Variants in MCTP2 observed in about 807,000 individuals in gnomAD.
MCTP2 encodes multiple C2 and transmembrane domain containing 2, also known as multiple C2 and transmembrane domain-containing protein 2.
In MCTP2, 132 loss-of-function variants were observed where a neutral mutation model predicts 111.6. That is an observed-to-expected ratio of 1.18 (90% CI 1.03 to 1.37). The LOEUF (loss-of-function observed/expected upper bound fraction) is 1.37. MCTP2 is among the 40% of genes most tolerant of loss of function. The pLI is 0.00. For synonymous variants in MCTP2, 395 were observed against 387.7 expected (o/e 1.02, Z -0.22); for missense variants, 1,183 against 1,067.9 (o/e 1.11, Z -1.50).
At chr15:94,243,339 G>A (rs1341058494) in intron 1 of MCTP2, among the ~76,000 whole-genome samples, 6 of 136,702 alleles carry the variant, frequency 4.4e-5, no homozygotes, top group South Asian at 2.3e-4. Flanking sequence ...GCGTATATGC[G>A]TATGTACATA....
intron 12 of MCTP2, among the ~76,000 whole-genome samples, chr15:94,378,983 G>A (rs2079937959): frequency 6.6e-6 from 1 of 152,144 alleles, no homozygotes; most frequent in East Asian, 1.9e-4. Flanking sequence ...TATCATAGGA[G>A]TCTGGGGTCT....
At chr15:94,343,216 G>A (rs1456028978) in intron 7 of MCTP2, 1 of 152,000 alleles carries the variant, frequency 6.6e-6, no homozygotes, top group Non-Finnish European at 1.5e-5. Context: ...CATATTGGGA[G>A]CCTTGGGGTA....
chr15:94,356,318 C>A lies in MCTP2; in HGVS notation c.1170+17C>A. On this transcript the variant is annotated intron_variant, in intron 9 of 22. Coordinates refer to ENST00000357742, the MANE Select transcript of MCTP2 (RefSeq NM_001385001.1). ...AAAAGTAAGGTAAGTTCCATCTTTT[C>A]CATAAGGAGAACAGTATCTTTAAAA... The A allele has an allele frequency of 6.4e-7, 1 of 1,552,214 alleles. No individual in the cohort carries two copies. Among genetic ancestry groups the A allele is most frequent in the East Asian group, 2.3e-5 (1 of 42,670 alleles).
intron 1 of MCTP2, among the ~76,000 whole-genome samples, chr15:94,250,973 T>C (rs1163745324): frequency 6.6e-6 from 1 of 152,250 alleles, no homozygotes; most frequent in Non-Finnish European, 1.5e-5. Flanking sequence ...ATATCTATAC[T>C]GACATAAGTA....
chr15:94,340,354 G>A, intron 6 of MCTP2, 79 bp downstream of exon 6: 1 of 1,023,880 alleles, frequency 9.8e-7, no homozygotes, highest in Non-Finnish European at 1.5e-6. Context: ...TGCTTGTTGA[G>A]GTCAAATGAC....
At chr15:94,423,377 T>A (rs933242117) in intron 17 of MCTP2, among the ~76,000 whole-genome samples, 1 of 152,146 alleles carries the variant, frequency 6.6e-6, no homozygotes, top group African/African-American at 2.4e-5. Context: ...AGATCCAAAG[T>A]GAATATTTTC....
At chr15:94,407,604 T>C (rs910297122) in intron 17 of MCTP2, among the ~76,000 whole-genome samples, 3 of 152,134 alleles carry the variant, frequency 2.0e-5, no homozygotes, top group African/African-American at 7.2e-5. Context: ...CTCAATAAAG[T>C]TAAAAAATAC....
At chr15:94,267,298 A>G (rs528201575) in intron 1 of MCTP2, among the ~76,000 whole-genome samples, 1 of 152,346 alleles carries the variant, frequency 6.6e-6, no homozygotes, top group East Asian at 1.9e-4. Flanking sequence ...GTCATTAAGA[A>G]TGATATCATA....
At chr15:94,425,231 C>T (rs903851552) in intron 17 of MCTP2, among the ~76,000 whole-genome samples, 38 of 152,248 alleles carry the variant, frequency 2.5e-4, no homozygotes, top group African/African-American at 9.1e-4. Context: ...TCTCAATGAT[C>T]TGCAATTTCT....
chr15:94,318,471 A>T (rs1004241737), intron 4 of MCTP2, among the ~76,000 whole-genome samples: 1 of 151,868 alleles, frequency 6.6e-6, no homozygotes, highest in Non-Finnish European at 1.5e-5. Flanking sequence ...TTTAGTAGAG[A>T]CGGAGTTTCG....
intron 1 of MCTP2, among the ~76,000 whole-genome samples, chr15:94,265,807 G>C (rs2073486810): frequency 6.6e-6 from 1 of 152,100 alleles, no homozygotes. Flanking sequence ...AAAGTAGAAG[G>C]CTTTTGATCT....
intron 17 of MCTP2, among the ~76,000 whole-genome samples, chr15:94,414,730 ACT>A (rs912932747): frequency 4.6e-5 from 7 of 151,758 alleles, no homozygotes; most frequent in African/African-American, 1.7e-4. Flanking sequence ...TTTCCCAATG[ACT>A]CTCTTATGAA....
intron 1 of MCTP2, among the ~76,000 whole-genome samples, chr15:94,240,917 A>G (rs1205299365): frequency 6.6e-6 from 1 of 152,202 alleles, no homozygotes; most frequent in Admixed American, 6.5e-5. Flanking sequence ...TTCAAAACCC[A>G]GGAAAATTCT....
intron 14 of MCTP2, among the ~76,000 whole-genome samples, chr15:94,388,273 C>T (rs1392289934): frequency 6.6e-6 from 1 of 152,210 alleles, no homozygotes; most frequent in East Asian, 1.9e-4. Flanking sequence ...CTTTCAGGGA[C>T]TTCGGGGGAC....
chr15:94,417,529 G>A (rs758226729), intron 17 of MCTP2, among the ~76,000 whole-genome samples: 5 of 152,108 alleles, frequency 3.3e-5, no homozygotes, highest in Non-Finnish European at 1.5e-5. Context: ...GTGCGCACAT[G>A]TTTTAAGACC....
Position 94,370,187 on chromosome 15 carries a change from G to C in MCTP2, c.1582+7G>C. 1 of 1,593,196 alleles carries C rather than the reference G, an allele frequency of 6.3e-7. No individual in the cohort carries two copies. The highest frequency in any genetic ancestry group is 8.5e-7 in the Non-Finnish European group (1 of 1,170,924). On this transcript the variant is annotated splice_region_variant and intron_variant, in intron 12 of 22. Coordinates refer to ENST00000357742, the MANE Select transcript of MCTP2 (RefSeq NM_001385001.1). ...TTAGCGGCAGATTTCTCAGGTACAGGACATTTTCATTTTCTAATTTATCTT... is the reference window on the plus strand; with the variant it reads ...TTAGCGGCAGATTTCTCAGGTACAGCACATTTTCATTTTCTAATTTATCTT...
intron 1 of MCTP2, among the ~76,000 whole-genome samples, chr15:94,261,512 G>C (rs946923544): frequency 1.3e-5 from 2 of 152,160 alleles, no homozygotes; most frequent in African/African-American, 2.4e-5. Context: ...AGTAATTCTT[G>C]CAGGATGCTT....
intron 1 of MCTP2, among the ~76,000 whole-genome samples, chr15:94,291,568 T>A (rs923438902): frequency 6.6e-6 from 1 of 151,106 alleles, no homozygotes; most frequent in African/African-American, 2.4e-5. Flanking sequence ...GCCACTGCAC[T>A]CCAGCCTGGG....
chr15:94,426,273 T>G (rs2082887888), intron 17 of MCTP2, among the ~76,000 whole-genome samples: 1 of 152,102 alleles, frequency 6.6e-6, no homozygotes, highest in Non-Finnish European at 1.5e-5. Context: ...CAGTATCACT[T>G]ATAGCTTTTT....
Sources: allele counts gnomAD v4.1 joint callset (sites outside exome capture counted in the v4.1 genomes callset), GRCh38; gene constraint gnomAD v4.1.1; transcripts MANE v1.5; gene names NCBI Gene and HGNC (gene_info 2026-07-23, HGNC 2026-07-21).